The following LRRC38 variants were observed in gnomAD, a reference collection of about 807,000 sequenced individuals.
The protein encoded by LRRC38 is leucine rich repeat containing 38, also known as leucine-rich repeat-containing protein 38.
A neutral mutation model predicts 16.4 loss-of-function variants in LRRC38; 5 were observed. The observed-to-expected ratio is 0.31, with a 90% CI of 0.16 to 0.64. The LOEUF (loss-of-function observed/expected upper bound fraction) is 0.64. Among genes scored for constraint, LRRC38 ranks in the 30% least tolerant of loss-of-function variants. LRRC38 has a pLI of 0.80. For missense variants in LRRC38, 341 were observed against 401.8 expected (o/e 0.85, Z 1.29); for synonymous variants, 191 against 190.2 (o/e 1.00, Z -0.04).
Position 13,487,558 on chromosome 1 carries a change from C to A in LRRC38, c.632-11459G>T, listed in dbSNP as rs1214293168. Among the ~76,000 whole-genome samples, 1 of 152,244 alleles carries A rather than the reference C, an allele frequency of 6.6e-6. No individual in the cohort carries two copies. Among genetic ancestry groups the A allele is most frequent in the Non-Finnish European group, 1.5e-5 (1 of 68,042 alleles). On this transcript the variant is annotated intron_variant, in intron 1 of 1. Coordinates refer to ENST00000376085, the MANE Select transcript of LRRC38 (RefSeq NM_001010847.2). The surrounding 1 kb of genome is among the most constrained non-coding windows in gnomAD (Gnocchi z 4.4). ...CTTATAACCACGACTTCCTTCTCTTCCAGGGCACATTCAGAAGAGACAGGC... is the reference window on the plus strand; with the variant it reads ...CTTATAACCACGACTTCCTTCTCTTACAGGGCACATTCAGAAGAGACAGGC...
chr1:13,500,241 T>C (rs1639130944), intron 1 of LRRC38, among the ~76,000 whole-genome samples: 2 of 99,678 alleles, frequency 2.0e-5, no homozygotes, highest in Non-Finnish European at 4.0e-5. Flanking sequence ...GGCGACAGAG[T>C]GAGACTCTGT....
At chr1:13,478,980 T>C (rs759719727) in intron 1 of LRRC38, among the ~76,000 whole-genome samples, 55 of 152,208 alleles carry the variant, frequency 3.6e-4, no homozygotes, top group Non-Finnish European at 1.6e-4. Context: ...AGGAATTAGC[T>C]GGACCAGAGC....
In LRRC38 at chr1:13,513,539, G is replaced by A; in HGVS notation, c.55C>T (p.Leu19=). ...GCGTGCCCGGGCGCGAGCAGCAGCA[G>A]AAGGCTGCAGAGCCCGAGCGCCGCG... ...AAAALGLCSL[L]LLLAPGHACP... is the part of the protein sequence containing the mutation. The change falls in exon 1 of 2, where the codon CTG becomes TTG. Residue 19 remains leucine (L), a synonymous_variant. Coordinates refer to ENST00000376085, the MANE Select transcript of LRRC38 (RefSeq NM_001010847.2). 1 of 1,373,106 alleles carries A rather than the reference G, an allele frequency of 7.3e-7. No homozygotes were observed. The highest frequency in any genetic ancestry group is 1.8e-5 in the South Asian group (1 of 54,872). 85.1% of individuals were successfully genotyped at this position (1,373,106 alleles called of 1,614,324 possible).
intron 1 of LRRC38, among the ~76,000 whole-genome samples, chr1:13,493,855 G>C (rs544787443): frequency 8.9e-4 from 135 of 152,294 alleles, no homozygotes; most frequent in Admixed American, 2.2e-3. Flanking sequence ...ACAAGGTCAG[G>C]AGTTTGAGAC....
chr1:13,490,816 T>C (rs1205714997), intron 1 of LRRC38, among the ~76,000 whole-genome samples: 1 of 152,166 alleles, frequency 6.6e-6, no homozygotes, highest in Non-Finnish European at 1.5e-5. Flanking sequence ...GCACCCACTG[T>C]GGCTCCCTCC....
intron 1 of LRRC38, among the ~76,000 whole-genome samples, chr1:13,488,032 T>TTGTGTGTGTTTGTGTGTGTGTG (rs1439386107): frequency 1.4e-5 from 2 of 147,104 alleles, no homozygotes; most frequent in Non-Finnish European, 3.0e-5. Context: ...TTGTGTGTGT[T>TTGTGTGTGTTTGTGTGTGTGTG]TGTGTGTGTG....
chr1:13,475,864 G>A lies in LRRC38; in HGVS notation c.867C>T (p.Asp289=), dbSNP rs568256216. 2.8e-5 allele frequency: 44 copies of A among 1,550,054 alleles called. No homozygotes were observed. The highest frequency in any genetic ancestry group is 9.8e-5 in the East Asian group (4 of 40,912). The change falls in exon 2 of 2, where the codon GAC becomes GAT. Residue 289 remains aspartate, a synonymous_variant. Transcript: ENST00000376085. The surrounding 1 kb of genome is among the most constrained non-coding windows in gnomAD (Gnocchi z 4.3). ...CAPNKDAEDE[D]EDKDD is the part of the protein sequence containing the mutation. ...AGGTGGCTCAGTCATCCTTGTCCTCGTCTTCATCCTCCGCATCTTTGTTGG... is the reference window on the plus strand; with the variant it reads ...AGGTGGCTCAGTCATCCTTGTCCTCATCTTCATCCTCCGCATCTTTGTTGG...
At chr1:13,481,754 T>C (rs2924853) in intron 1 of LRRC38, among the ~76,000 whole-genome samples, 32,225 of 112,482 alleles carry the variant, frequency 0.29, 4,015 homozygotes, top group South Asian at 0.39. Context: ...TGCCTCTCAC[T>C]TTCTTTCCCT....
intron 1 of LRRC38, among the ~76,000 whole-genome samples, chr1:13,510,782 T>C (rs1639265508): frequency 6.6e-6 from 1 of 152,128 alleles, no homozygotes; most frequent in Non-Finnish European, 1.5e-5. Flanking sequence ...ATTACCACAT[T>C]CTGAATCCAG....
chr1:13,500,155 T>C (rs772878255), intron 1 of LRRC38, among the ~76,000 whole-genome samples: 7 of 150,846 alleles, frequency 4.6e-5, no homozygotes, highest in Non-Finnish European at 7.4e-5. Context: ...CTTGGGAGGC[T>C]GAGGCAGGAG....
At chr1:13,497,833 C>G (rs71629832) in intron 1 of LRRC38, among the ~76,000 whole-genome samples, 1 of 151,574 alleles carries the variant, frequency 6.6e-6, no homozygotes, top group Non-Finnish European at 1.5e-5. Flanking sequence ...TAGTTGTGTA[C>G]GCCTGCAATC....
chr1:13,512,939 C>A, intron 1 of LRRC38, 24 bp downstream of exon 1: 1 of 1,524,968 alleles, frequency 6.6e-7, no homozygotes, highest in Non-Finnish European at 8.8e-7. Context: ...CCCTCCCTCC[C>A]CCAGCCTAGC....
chr1:13,489,168 C>T (rs1056868875), intron 1 of LRRC38, among the ~76,000 whole-genome samples: 1 of 152,158 alleles, frequency 6.6e-6, no homozygotes, highest in African/African-American at 2.4e-5. Context: ...TCTCCAGGGA[C>T]CACTGGGCAT....
At chr1:13,509,707 C>T (rs1160968365) in intron 1 of LRRC38, among the ~76,000 whole-genome samples, 1 of 152,162 alleles carries the variant, frequency 6.6e-6, no homozygotes, top group Admixed American at 6.5e-5. Context: ...AAGTCAATGT[C>T]CCCTTCCCTA....
intron 1 of LRRC38, among the ~76,000 whole-genome samples, chr1:13,496,595 T>A (rs1639083095): frequency 6.6e-6 from 1 of 152,142 alleles, no homozygotes; most frequent in South Asian, 2.1e-4. Context: ...TTCCTCTCCA[T>A]TTTTCCTCCC....
chr1:13,512,921 G>GGCCCC, intron 1 of LRRC38, 42 bp downstream of exon 1: 1 of 1,246,174 alleles, frequency 8.0e-7, no homozygotes, highest in Non-Finnish European at 1.1e-6. Flanking sequence ...GCCTCTCCCT[G>GGCCCC]CCCCCCTCCC....
At chr1:13,508,751 T>C (rs1416332484) in intron 1 of LRRC38, among the ~76,000 whole-genome samples, 1 of 152,218 alleles carries the variant, frequency 6.6e-6, no homozygotes, top group Non-Finnish European at 1.5e-5. Context: ...AAAGGACCAG[T>C]GTGACCTTCA....
chr1:13,484,129 C>T (rs1319194313), intron 1 of LRRC38, among the ~76,000 whole-genome samples: 1 of 152,166 alleles, frequency 6.6e-6, no homozygotes, highest in African/African-American at 2.4e-5. Context: ...CTTGCCGTTC[C>T]TCAAACGCCC....
intron 1 of LRRC38, among the ~76,000 whole-genome samples, chr1:13,485,749 A>G (rs1013452983): frequency 6.6e-6 from 1 of 152,150 alleles, no homozygotes; most frequent in Non-Finnish European, 1.5e-5. Flanking sequence ...ATGTCATTCA[A>G]GGGGGTTGCA....
Sources: gnomAD v4.1 joint callset for allele counts (sites outside exome capture counted in the v4.1 genomes callset) on GRCh38, gnomAD v4.1.1 for gene constraint, Gnocchi (gnomAD v3.1) non-coding constraint, MANE v1.5 for transcripts, NCBI Gene and HGNC (gene_info 2026-07-23, HGNC 2026-07-21) for gene names.